SMC1B: variants seen among roughly 807,000 people sequenced by gnomAD.
SMC1B encodes the protein structural maintenance of chromosomes 1B, also known as structural maintenance of chromosomes protein 1B.
A neutral mutation model predicts 157.9 loss-of-function variants in SMC1B; 60 were observed. The ratio of observed to expected loss-of-function variants is 0.38; its 90% CI spans 0.31 to 0.47. The LOEUF (loss-of-function observed/expected upper bound fraction) is 0.47, where lower values mean the gene tolerates loss of function less well. Among genes scored for constraint, SMC1B ranks in the 20% least tolerant of loss-of-function variants. The probability of loss-of-function intolerance (pLI) is 0.99; values close to 1 mark genes in which losing one functional copy is unlikely to be tolerated. For missense variants in SMC1B, 1,165 were observed against 1,426.2 expected (o/e 0.82, Z 2.95); for synonymous variants, 445 against 483.0 (o/e 0.92, Z 1.03).
chr22:45,372,261 T>G lies in SMC1B; in HGVS notation c.2090A>C (p.Asp697Ala). The G allele has an allele frequency of 1.9e-6, 3 of 1,608,008 alleles. No individual in the cohort carries two copies. In the Middle Eastern group the frequency reaches 5.0e-4, roughly 269 times the overall value. ...GLMKTLRKETDLKQIQTLIQG... is the reference protein window; with the variant it reads ...GLMKTLRKETALKQIQTLIQG... ...TATCAGGGTCTGTATTTGTTTCAAATCTGTTTCTTTGCGGAGTGTCTTCAT... is the reference window on the plus strand; with the variant it reads ...TATCAGGGTCTGTATTTGTTTCAAAGCTGTTTCTTTGCGGAGTGTCTTCAT... Residue 697 changes from aspartate to alanine, a missense_variant, in exon 13 of 25, where the codon GAT becomes GCT. Coordinates refer to ENST00000357450, the MANE Select transcript of SMC1B (RefSeq NM_148674.5).
chr22:45,406,383 C>G (rs1811578173), intron 4 of SMC1B, 77 bp downstream of exon 4: 2 of 1,200,710 alleles, frequency 1.7e-6, no homozygotes, highest in South Asian at 1.4e-5. Flanking sequence ...TTGGTAAGCC[C>G]AAGCCCATAC....
At chr22:45,353,916 A>AAC (rs2086641907) in intron 21 of SMC1B, 62 bp downstream of exon 21, 2 of 833,672 alleles carry the variant, frequency 2.4e-6, no homozygotes, top group Non-Finnish European at 3.5e-6. Flanking sequence ...AAAAAAAAAA[A>AAC]AAAACAACCA....
rs373012691 is a variant in SMC1B at position 45,344,655 on chromosome 22, G to A, written c.3609C>T (p.Tyr1203=). 6.0e-5 allele frequency: 96 copies of A among 1,610,126 alleles called. No individual in the cohort carries two copies. The African/African-American group carries it at 1.1e-3, about 18-fold the overall frequency. ...AAACTCGGCTGAACATGCAGTCATC[G>A]TACTAAAATGGAGAGAAGACAGTTA... The part of the protein sequence containing the change: ...ADALIGIYPE[Y]DDCMFSRVLT... The change falls in exon 25 of 25, where the codon TAC becomes TAT. Residue 1203 remains tyrosine, a splice_region_variant and synonymous_variant. Transcript: ENST00000357450.
intron 9 of SMC1B, 138 bp downstream of exon 9, chr22:45,393,496 C>A: frequency 1.5e-6 from 1 of 665,046 alleles, no homozygotes; most frequent in East Asian, 2.8e-5. Context: ...AAGAGTCAAA[C>A]ACAAAACTTA....
At chr22:45,350,279 T>TA (rs397975516) in intron 22 of SMC1B, among the ~76,000 whole-genome samples, 25 of 150,378 alleles carry the variant, frequency 1.7e-4, no homozygotes, top group East Asian at 3.9e-4. Flanking sequence ...TAATTTTTTT[T>TA]AAATTTTTTT....
In SMC1B at chr22:45,352,470, G is replaced by T. The variant is rs1406215121; in HGVS notation, c.3406C>A (p.Leu1136Ile). 1 of 1,613,944 alleles carries T rather than the reference G, an allele frequency of 6.2e-7. No homozygotes were observed. The highest frequency in any genetic ancestry group is 1.1e-5 in the South Asian group (1 of 91,056). Reference protein sequence around the residue: ...GGEKCVAALALLFAVHSFRPA... With the variant: ...GGEKCVAALAILFAVHSFRPA... ...CCTTACCTGTGCACAGCAAACAGGA[G>T]AGCCAAGGCTGCCACACACTTTTCT... The change falls in exon 22 of 25, where the codon CTC becomes ATC. Residue 1136 changes from leucine to isoleucine, a missense_variant. Leu to Ile is a conservative substitution (Grantham distance 5). Coordinates refer to ENST00000357450, the MANE Select transcript of SMC1B (RefSeq NM_148674.5).
At chr22:45,373,735 C>G (rs1306928464) in intron 12 of SMC1B, among the ~76,000 whole-genome samples, 2 of 152,190 alleles carry the variant, frequency 1.3e-5, no homozygotes, top group African/African-American at 4.8e-5. Flanking sequence ...TTTTTCACTG[C>G]CTCAGTTATA....
chr22:45,380,740 A>G (rs769172881), intron 12 of SMC1B, among the ~76,000 whole-genome samples: 2 of 152,124 alleles, frequency 1.3e-5, no homozygotes, highest in Non-Finnish European at 2.9e-5. Flanking sequence ...CAATATAACA[A>G]GGCCCTGTCG....
rs748170497 is a variant in SMC1B, at chr22:45,355,045, T to C, written c.3032A>G (p.Asp1011Gly). ...LLLQQVASQE[D>G]ILLKTAAPNL... Reference sequence around the variant, plus strand: ...TGGGGCTGCTGTTTTCAGTAAGATATCTTCCTGGGATGCTACTTGCTGCAA... The same window carrying C: ...TGGGGCTGCTGTTTTCAGTAAGATACCTTCCTGGGATGCTACTTGCTGCAA... Residue 1011 changes from aspartate to glycine, a missense_variant, in exon 20 of 25, where the codon GAT (aspartate) becomes GGT (glycine). By Grantham distance (94) the Asp-to-Gly change is moderately conservative (BLOSUM62 -1). Coordinates refer to ENST00000357450, the MANE Select transcript of SMC1B (RefSeq NM_148674.5). 4 of 1,614,204 alleles carry C rather than the reference T, an allele frequency of 2.5e-6. No individual in the cohort carries two copies. In the Admixed American group the frequency reaches 5.0e-5, roughly 20 times the overall value.
chr22:45,394,420 T>G (rs534174483), intron 8 of SMC1B, among the ~76,000 whole-genome samples: 1 of 152,140 alleles, frequency 6.6e-6, no homozygotes, highest in South Asian at 2.1e-4. Context: ...GAGGGTGGAT[T>G]GCTTGGTCCA....
intron 12 of SMC1B, among the ~76,000 whole-genome samples, chr22:45,380,682 C>T (rs1602072903): frequency 6.6e-6 from 1 of 152,128 alleles, no homozygotes; most frequent in Non-Finnish European, 1.5e-5. Context: ...CTTTGGGAAG[C>T]CAAAGTGGAA....
In SMC1B at chr22:45,408,413, C is replaced by A. The variant is rs149753014; in HGVS notation, c.298+297G>T. On this transcript the variant is annotated intron_variant, in intron 2 of 24. Coordinates refer to ENST00000357450, the MANE Select transcript of SMC1B (RefSeq NM_148674.5). ...GTGCTGGGATTACAGGCGTGAGCCA[C>A]CATACCCGACCCTCCCTCCTTCATC... 5.7e-3 allele frequency among the ~76,000 whole-genome samples: 865 copies of A among 152,312 alleles called. 4 individuals are homozygous for A. The highest frequency in any genetic ancestry group is 0.02 in the African/African-American group (832 of 41,562).
intron 23 of SMC1B, among the ~76,000 whole-genome samples, chr22:45,347,543 C>T (rs1278351338): frequency 6.6e-6 from 1 of 152,192 alleles, no homozygotes; most frequent in African/African-American, 2.4e-5. Context: ...GAAAACATCT[C>T]TCAGCCACGG....
chr22:45,392,218 G>T (rs136601), intron 9 of SMC1B, among the ~76,000 whole-genome samples: 1 of 151,914 alleles, frequency 6.6e-6, no homozygotes. Context: ...CAAAGCGCTG[G>T]GATTACAGGC....
chr22:45,393,762 C>A lies in SMC1B; in HGVS notation c.1417G>T (p.Val473Phe), dbSNP rs136603. Residue 473 changes from valine to phenylalanine, a missense_variant, in exon 9 of 25, where the codon GTT (valine) becomes TTT (phenylalanine). Physicochemically the swap from Val to Phe is conservative, Grantham distance 50. Transcript: ENST00000357450. ...IEKTKSRMSE[V>F]NEELNLIRSE... ...CTAATAAGATTCAATTCTTCATTAACTTCAGACATTCTTGATTTTGTTTTT... is the reference window on the plus strand; with the variant it reads ...CTAATAAGATTCAATTCTTCATTAAATTCAGACATTCTTGATTTTGTTTTT... 8.1e-6 allele frequency: 13 copies of A among 1,613,748 alleles called. No individual in the cohort carries two copies. Among genetic ancestry groups the A allele is most frequent in the Middle Eastern group, 1.6e-4 (1 of 6,062 alleles).
intron 22 of SMC1B, among the ~76,000 whole-genome samples, chr22:45,351,211 CTTAT>C (rs1305419072): frequency 6.6e-6 from 1 of 151,978 alleles, no homozygotes; most frequent in African/African-American, 2.4e-5. Context: ...ACTAATTTAC[CTTAT>C]TTATTATCTG....
chr22:45,408,360 C>T (rs1191962301), intron 2 of SMC1B, among the ~76,000 whole-genome samples: 1 of 151,998 alleles, frequency 6.6e-6, no homozygotes, highest in Non-Finnish European at 1.5e-5. Context: ...CACCTGACCT[C>T]GTGATCCGCC....
In SMC1B at chr22:45,345,569, C is replaced by A. The variant is rs1385678903; in HGVS notation, c.3496G>T (p.Val1166Leu). 4 of 1,581,500 alleles carry A rather than the reference C, an allele frequency of 2.5e-6. No homozygotes were observed. The highest frequency in any genetic ancestry group is 3.5e-6 in the Non-Finnish European group (4 of 1,150,412). ...GTTTGCTCTTTGATGTAACTTGACA[C>A]CTGGAAGAAATAAAAACACACATTT... ...AALDNTNIGK[V>L]SSYIKEQTQD... Residue 1166 changes from valine to leucine, a missense_variant and splice_region_variant, in exon 24 of 25, where the codon GTG becomes TTG. Coordinates refer to ENST00000357450, the MANE Select transcript of SMC1B (RefSeq NM_148674.5).
chr22:45,393,274 A>G (rs1192934961), intron 9 of SMC1B, among the ~76,000 whole-genome samples: 2 of 152,220 alleles, frequency 1.3e-5, no homozygotes, highest in East Asian at 3.8e-4. Flanking sequence ...ATATTTCAAA[A>G]ACAAATAAAA....
Sources: allele counts gnomAD v4.1 joint callset (sites outside exome capture counted in the v4.1 genomes callset), GRCh38; gene constraint gnomAD v4.1.1; transcripts MANE v1.5; gene names NCBI Gene and HGNC (gene_info 2026-07-23, HGNC 2026-07-21).